MAGI1: variants seen among roughly 807,000 people sequenced by gnomAD.
MAGI1 encodes the protein membrane-associated guanylate kinase, WW and PDZ domain-containing protein 1.
In MAGI1, 58 loss-of-function variants were observed where a neutral mutation model predicts 139.9. That is an observed-to-expected ratio of 0.41 (90% confidence interval 0.34 to 0.52). The LOEUF (loss-of-function observed/expected upper bound fraction) is 0.52. Ranked by LOEUF, MAGI1 falls within the 20% of genes least tolerant of loss-of-function variation. The pLI is 0.12. For synonymous variants in MAGI1, 812 were observed against 737.9 expected, an observed-to-expected ratio of 1.10 and a Z score of -1.63; for missense variants, 1,874 against 1,901.6, an observed-to-expected ratio of 0.99 and a Z score of 0.27.
At chr3:65,844,193 G>A in intron 1 of MAGI1, 1 of 509,764 alleles carries the variant, frequency 2.0e-6, no homozygotes, top group Non-Finnish European at 3.9e-6. Flanking sequence ...AGAGAGTCAT[G>A]CTGAACTTAA....
chr3:65,389,953 C>T lies in MAGI1; in HGVS notation c.2416+1189G>A, dbSNP rs3772191. ...CTCCAGGCTCACCTCTGCCCCCCAACTGCTGAGCATCATTCAGTGGACTGA... is the reference window on the plus strand; with the variant it reads ...CTCCAGGCTCACCTCTGCCCCCCAATTGCTGAGCATCATTCAGTGGACTGA... On this transcript the variant is annotated intron_variant, in intron 14 of 22. Transcript: ENST00000402939. Among the ~76,000 whole-genome samples, 1,120 of 152,342 alleles carry T rather than the reference C, an allele frequency of 7.4e-3. 16 individuals are homozygous for T. The highest frequency in any genetic ancestry group is 0.062 in the East Asian group (322 of 5,168).
At chr3:65,639,537 G>A (rs914642499) in intron 1 of MAGI1, among the ~76,000 whole-genome samples, 2 of 152,142 alleles carry the variant, frequency 1.3e-5, no homozygotes, top group African/African-American at 4.8e-5. Flanking sequence ...GCATGTCCAC[G>A]TATCTGGTCA....
chr3:65,935,295 G>C (rs182665676), intron 1 of MAGI1, among the ~76,000 whole-genome samples: 15 of 152,260 alleles, frequency 9.9e-5, no homozygotes, highest in Non-Finnish European at 2.1e-4. Context: ...TGAACAAAAG[G>C]GGGCATGTGG....
chr3:65,688,120 T>C (rs1011018438), intron 1 of MAGI1: 2 of 774,398 alleles, frequency 2.6e-6, no homozygotes, highest in African/African-American at 3.5e-5. Context: ...TGCTTGCAGA[T>C]TCTAGGTGCA....
intron 12 of MAGI1, 38 bp downstream of exon 12, chr3:65,429,482 T>TA (rs147479871): frequency 2.2e-3 from 3,092 of 1,397,056 alleles, no homozygotes; most frequent in South Asian, 3.0e-3. Context: ...GAATTTGGGA[T>TA]AAAAAAAAAA....
At position 65,486,340 on chromosome 3, in the gene MAGI1, T is replaced by C. The variant is rs114565451; in HGVS notation, c.550+7172A>G. The stretch of plus-strand genomic sequence containing the variant: ...CTCAAAGTGTATAATCAGCCTCTTC[T>C]ACCCAGAGGCATTTGTAAAACAGCC... On this transcript the variant is annotated intron_variant, in intron 3 of 22. Transcript: ENST00000402939. Among the ~76,000 whole-genome samples, 1,104 of 152,318 alleles carry C rather than the reference T, an allele frequency of 7.2e-3. 13 individuals carry two copies. The highest frequency in any genetic ancestry group is 0.025 in the African/African-American group (1,056 of 41,570).
At chr3:65,454,233 A>G (rs1402854880) in intron 5 of MAGI1, among the ~76,000 whole-genome samples, 5 of 152,178 alleles carry the variant, frequency 3.3e-5, no homozygotes, top group Non-Finnish European at 7.3e-5. Flanking sequence ...TACAAACTAG[A>G]CATGAAAACA....
chr3:65,810,256 A>G (rs2108189812), intron 1 of MAGI1, among the ~76,000 whole-genome samples: 1 of 152,376 alleles, frequency 6.6e-6, no homozygotes, highest in South Asian at 2.1e-4. Flanking sequence ...CTTCTCCCAA[A>G]GACATTCAAT....
At chr3:65,849,020 T>TC (rs2059109979) in intron 1 of MAGI1, among the ~76,000 whole-genome samples, 1 of 125,404 alleles carries the variant, frequency 8.0e-6, no homozygotes, top group Admixed American at 8.2e-5. Flanking sequence ...TTTTTTTTTT[T>TC]TTTTTTTTTT....
rs779253317 is a variant in MAGI1, at chr3:65,429,744, T to C, written c.1943A>G (p.Lys648Arg). The stretch of plus-strand genomic sequence containing the variant: ...AGTAAAACCAAAGCCCATTGGCCCT[T>C]TGACAATATGAACAGTTATGAGTTC... ...QPELITVHIV[K>R]GPMGFGFTIA... Residue 648 changes from lysine (K) to arginine (R), a missense_variant, in exon 12 of 23, where the codon AAA becomes AGA. Lys to Arg is a conservative substitution (Grantham distance 26). This residue lies in a region of MAGI1 where 482 missense variants were observed against 509.6 expected (regional missense o/e 0.95). Coordinates refer to ENST00000402939, the MANE Select transcript of MAGI1 (RefSeq NM_001033057.2). The C allele has an allele frequency of 7.4e-6, 12 of 1,613,962 alleles. No homozygotes were observed. The highest frequency in any genetic ancestry group is 9.3e-6 in the Non-Finnish European group (11 of 1,179,956).
At chr3:65,792,061 A>G (rs1328638799) in intron 1 of MAGI1, among the ~76,000 whole-genome samples, 1 of 152,182 alleles carries the variant, frequency 6.6e-6, no homozygotes, top group Non-Finnish European at 1.5e-5. Context: ...CTTCTGATAA[A>G]AAAATCAATT....
intron 1 of MAGI1, among the ~76,000 whole-genome samples, chr3:65,733,586 TGA>T (rs1413083861): frequency 1.3e-5 from 2 of 152,178 alleles, no homozygotes; most frequent in African/African-American, 2.4e-5. Flanking sequence ...TCTCACACAA[TGA>T]GAGTCATCCT....
intron 1 of MAGI1, among the ~76,000 whole-genome samples, chr3:65,984,542 G>GT (rs1262426137): frequency 6.8e-6 from 1 of 146,000 alleles, no homozygotes; most frequent in African/African-American, 2.5e-5. Flanking sequence ...GTGTGTGTGT[G>GT]TGTGTGTGAC....
At chr3:65,980,564 C>CA (rs11410142) in intron 1 of MAGI1, among the ~76,000 whole-genome samples, 91,332 of 127,564 alleles carry the variant, frequency 0.72, 32,726 homozygotes, top group Admixed American at 0.79. Flanking sequence ...GACTCCATCT[C>CA]AAAAAAAAAA....
chr3:65,362,656 A>G (rs528594238), intron 21 of MAGI1, among the ~76,000 whole-genome samples: 1 of 152,290 alleles, frequency 6.6e-6, no homozygotes, highest in African/African-American at 2.4e-5. Flanking sequence ...AAGTGTTACG[A>G]TCCTCACCCT....
rs553630002 is a variant in MAGI1 at position 65,691,933 on chromosome 3, T to C, written c.314-69845A>G. Among the ~76,000 whole-genome samples, 270 of 152,292 alleles carry C rather than the reference T, an allele frequency of 1.8e-3. 2 individuals are homozygous for C. Among genetic ancestry groups the C allele is most frequent in the African/African-American group, 6.4e-3 (264 of 41,564 alleles). The stretch of plus-strand genomic sequence containing the variant: ...TAAAATCCTGCTTGATGCAACCAAA[T>C]AGCCATTATTAAATCAAAATCCAAA... On this transcript the variant is annotated intron_variant, in intron 1 of 22. Coordinates refer to ENST00000402939, the MANE Select transcript of MAGI1 (RefSeq NM_001033057.2).
intron 1 of MAGI1, among the ~76,000 whole-genome samples, chr3:65,681,372 C>A (rs2107515228): frequency 6.6e-6 from 1 of 152,266 alleles, no homozygotes; most frequent in South Asian, 2.1e-4. Context: ...TAACAAAGCA[C>A]CTAAATGACA....
intron 1 of MAGI1, among the ~76,000 whole-genome samples, chr3:65,882,526 C>A (rs2060368920): frequency 6.6e-6 from 1 of 151,838 alleles, no homozygotes; most frequent in Non-Finnish European, 1.5e-5. Context: ...GTTGACCATC[C>A]CATTAAGACT....
At chr3:65,386,781 G>C (rs911986056) in intron 14 of MAGI1, among the ~76,000 whole-genome samples, 1 of 152,160 alleles carries the variant, frequency 6.6e-6, no homozygotes, top group Non-Finnish European at 1.5e-5. Flanking sequence ...CCCTGCATAT[G>C]AACAGTTTCT....
Sources: gnomAD v4.1 joint callset for allele counts (sites outside exome capture counted in the v4.1 genomes callset) on GRCh38, gnomAD v4.1.1 for gene constraint, gnomAD v4.1.1 regional missense constraint, MANE v1.5 for transcripts, NCBI Gene and HGNC (gene_info 2026-07-23, HGNC 2026-07-21) for gene names.